The following FBLN5 variants were observed in gnomAD, a reference collection of about 807,000 sequenced individuals.
FBLN5 encodes fibulin 5.
In FBLN5, 24 loss-of-function variants were observed where a neutral mutation model predicts 61.6. That is an observed-to-expected ratio of 0.39 (90% CI 0.28 to 0.55). FBLN5 has a LOEUF of 0.55. Among genes scored for constraint, FBLN5 ranks in the 20% least tolerant of loss-of-function variants. The probability of loss-of-function intolerance (pLI) is 0.65; values close to 1 mark genes in which losing one functional copy is unlikely to be tolerated. For synonymous variants in FBLN5, 213 were observed against 219.8 expected (o/e 0.97, Z 0.27); for missense variants, 470 against 594.1 (o/e 0.79, Z 2.17).
chr14:91,912,809 C>CAAAA (rs200501822), intron 4 of FBLN5, among the ~76,000 whole-genome samples: 8 of 93,060 alleles, frequency 8.6e-5, no homozygotes, highest in Non-Finnish European at 1.2e-4. Flanking sequence ...GACTCTGACT[C>CAAAA]AAAAAAAAAA....
At position 91,882,014 on chromosome 14, in the gene FBLN5, C is replaced by T. The variant is rs376471187; in HGVS notation, c.863-596G>A. On this transcript the variant is annotated intron_variant, in intron 8 of 10. Transcript: ENST00000342058. The surrounding 1 kb of genome is among the most constrained non-coding windows in gnomAD (Gnocchi z 4.9). The stretch of plus-strand genomic sequence containing the variant: ...AAAATACAAAATACAAAAATTAGCC[C>T]GGCATGGTGGCATGTGCCTGTAGTC... Among the ~76,000 whole-genome samples, 106 of 151,184 alleles carry T rather than the reference C, an allele frequency of 7.0e-4. No individual in the cohort carries two copies. Among genetic ancestry groups the T allele is most frequent in the African/African-American group, 1.1e-3 (47 of 41,202 alleles).
intron 2 of FBLN5, chr14:91,942,171 T>C (rs753165223): frequency 5.3e-5 from 24 of 455,908 alleles, no homozygotes; most frequent in South Asian, 3.7e-4. Context: ...GGGGTCCATC[T>C]CTCCTGTTGC....
chr14:91,924,779 A>G (rs1274534687), intron 4 of FBLN5, among the ~76,000 whole-genome samples: 1 of 152,130 alleles, frequency 6.6e-6, no homozygotes, highest in African/African-American at 2.4e-5. Flanking sequence ...CTGGAGAATA[A>G]GTACAGGGTG....
intron 4 of FBLN5, among the ~76,000 whole-genome samples, chr14:91,921,435 G>A (rs1474298860): frequency 5.3e-5 from 8 of 152,130 alleles, no homozygotes; most frequent in Non-Finnish European, 8.8e-5. Context: ...TTCCCCTCTT[G>A]AAGTTTACAG....
At chr14:91,918,542 C>T (rs1000250035) in intron 4 of FBLN5, among the ~76,000 whole-genome samples, 8 of 152,130 alleles carry the variant, frequency 5.3e-5, no homozygotes, top group African/African-American at 1.7e-4. Context: ...ATGCTGAGCA[C>T]CCAGTTTGTA....
At chr14:91,942,104 G>C (rs1389710720) in intron 2 of FBLN5, 1 of 455,924 alleles carries the variant, frequency 2.2e-6, no homozygotes, top group Admixed American at 2.3e-5. Flanking sequence ...CAGAGACACA[G>C]AGAGGCCACT....
chr14:91,914,062 G>A (rs1408166054), intron 4 of FBLN5, among the ~76,000 whole-genome samples: 1 of 152,212 alleles, frequency 6.6e-6, no homozygotes, highest in Non-Finnish European at 1.5e-5. Flanking sequence ...TAGAAAAGGG[G>A]CCATGCACAG....
chr14:91,921,911 A>C (rs1595336102), intron 4 of FBLN5, among the ~76,000 whole-genome samples: 1 of 152,196 alleles, frequency 6.6e-6, no homozygotes, highest in African/African-American at 2.4e-5. Flanking sequence ...GGATGGCCTA[A>C]AAGGGCCTAA....
chr14:91,876,080 T>C (rs1032022590), intron 10 of FBLN5, among the ~76,000 whole-genome samples: 1 of 152,210 alleles, frequency 6.6e-6, no homozygotes, highest in African/African-American at 2.4e-5. Context: ...AAGTAAACAC[T>C]CATCTAGAGG....
chr14:91,921,323 G>A (rs558057259), intron 4 of FBLN5, among the ~76,000 whole-genome samples: 4 of 152,148 alleles, frequency 2.6e-5, no homozygotes, highest in Non-Finnish European at 4.4e-5. Flanking sequence ...GAAGCAAGAG[G>A]TTCCAGCTGA....
intron 4 of FBLN5, among the ~76,000 whole-genome samples, chr14:91,933,863 A>C (rs1386626898): frequency 3.9e-5 from 6 of 152,096 alleles, no homozygotes; most frequent in Admixed American, 2.0e-4. Context: ...TAATCCCAGC[A>C]TTGTGGGAGG....
intron 4 of FBLN5, among the ~76,000 whole-genome samples, chr14:91,911,655 G>GCCT (rs1890945570): frequency 6.6e-6 from 1 of 152,226 alleles, no homozygotes; most frequent in Non-Finnish European, 1.5e-5. Context: ...AGAAAATAAG[G>GCCT]CCTCTGAGGT....
In FBLN5 at chr14:91,877,420, C is replaced by T. The variant is rs2430341; in HGVS notation, c.1185+67G>A. ...CACTCTTACCTGCTTGCATACAGCA[C>T]GTTCCTAGGAGAGACAGCACAAGGC... is the stretch of plus-strand genomic sequence containing the variant. On this transcript the variant is annotated intron_variant, in intron 10 of 10. Coordinates refer to ENST00000342058, the MANE Select transcript of FBLN5 (RefSeq NM_006329.4). 0.98 allele frequency: 1,292,629 copies of T among 1,315,320 alleles called. 638,037 individuals are homozygous for T. Among genetic ancestry groups the T allele is most frequent in the East Asian group, 1 (43,486 of 43,486 alleles). The allele number at this position is 1,315,320 out of a possible 1,614,324, so 81.5% of individuals were successfully genotyped here.
chr14:91,917,842 T>A (rs1227801149), intron 4 of FBLN5, among the ~76,000 whole-genome samples: 1 of 152,174 alleles, frequency 6.6e-6, no homozygotes, highest in Non-Finnish European at 1.5e-5. Flanking sequence ...AATGAGAAAT[T>A]TGCTCTATGT....
intron 4 of FBLN5, among the ~76,000 whole-genome samples, chr14:91,928,647 T>C (rs1415600750): frequency 2.0e-5 from 3 of 152,038 alleles, no homozygotes; most frequent in Non-Finnish European, 2.9e-5. Flanking sequence ...TGGCATGTAC[T>C]GGTAGTCCCA....
intron 4 of FBLN5, among the ~76,000 whole-genome samples, chr14:91,923,730 A>G (rs530048029): frequency 3.3e-5 from 5 of 152,050 alleles, no homozygotes; most frequent in Admixed American, 6.6e-5. Context: ...ACCCCCCTCC[A>G]AAACCCCCAC....
intron 10 of FBLN5, among the ~76,000 whole-genome samples, chr14:91,872,230 G>A (rs1888971061): frequency 1.3e-5 from 2 of 152,144 alleles, no homozygotes; most frequent in Admixed American, 6.5e-5. Flanking sequence ...TTCCATTCAG[G>A]TATTTCTGAC....
chr14:91,875,189 A>G (rs979226637), intron 10 of FBLN5, among the ~76,000 whole-genome samples: 4 of 152,166 alleles, frequency 2.6e-5, no homozygotes, highest in Non-Finnish European at 4.4e-5. Flanking sequence ...GGGGTTTTCA[A>G]AAAAAGAAAA....
In FBLN5 at chr14:91,883,099, C is replaced by A. The variant is rs772092729; in HGVS notation, c.740-23G>T. 2.5e-6 allele frequency: 4 copies of A among 1,612,816 alleles called. No homozygotes were observed. In the African/African-American group the frequency reaches 5.3e-5, roughly 22 times the overall value. On this transcript the variant is annotated intron_variant, in intron 7 of 10. Transcript: ENST00000342058. ...TATCTGGGGTGACAAGTCACACCTGCTGTTTGTAATCCCAGTCTACATGGG... is the reference window on the plus strand; with the variant it reads ...TATCTGGGGTGACAAGTCACACCTGATGTTTGTAATCCCAGTCTACATGGG...
Sources: gnomAD v4.1 joint callset for allele counts (sites outside exome capture counted in the v4.1 genomes callset) on GRCh38, gnomAD v4.1.1 for gene constraint, Gnocchi (gnomAD v3.1) non-coding constraint, MANE v1.5 for transcripts, NCBI Gene and HGNC (gene_info 2026-07-23, HGNC 2026-07-21) for gene names.